The following CCDC122 variants were observed in gnomAD, a reference collection of about 807,000 sequenced individuals.
The protein encoded by CCDC122 is coiled-coil domain-containing protein 122.
A neutral mutation model predicts 37.0 loss-of-function variants in CCDC122; 38 were observed. The observed-to-expected ratio is 1.03, with a 90% confidence interval of 0.79 to 1.35. The LOEUF (loss-of-function observed/expected upper bound fraction) is 1.35, where lower values mean the gene tolerates loss of function less well. Ranked by LOEUF, CCDC122 falls within the 40% of genes most tolerant of loss-of-function variation. The pLI is 0.00. For missense variants in CCDC122, 305 were observed against 310.0 expected (o/e 0.98, Z 0.12); for synonymous variants, 83 against 95.6 (o/e 0.87, Z 0.77).
chr13:43,843,983 ACT>A (rs1244769856), intron 6 of CCDC122, among the ~76,000 whole-genome samples: 1 of 149,512 alleles, frequency 6.7e-6, no homozygotes, highest in Non-Finnish European at 1.5e-5. Flanking sequence ...CGATTTTATT[ACT>A]CTTTTAAACT....
At chr13:43,831,422 T>C (rs1191555027), downstream of CCDC122, among the ~76,000 whole-genome samples, 1 of 152,220 alleles carries the variant, frequency 6.6e-6, no homozygotes, top group Non-Finnish European at 1.5e-5. Context: ...AGAAGCACCA[T>C]GGATTCTGGG....
At chr13:43,844,161 A>C (rs945283939) in intron 6 of CCDC122, among the ~76,000 whole-genome samples, 7 of 151,848 alleles carry the variant, frequency 4.6e-5, no homozygotes, top group Non-Finnish European at 8.8e-5. Flanking sequence ...TTTCTATTAT[A>C]GGCATTAAAA....
At chr13:43,829,154 C>T (rs1953065491) in intron 3 of CCDC122, among the ~76,000 whole-genome samples, 1 of 152,056 alleles carries the variant, frequency 6.6e-6, no homozygotes, top group South Asian at 2.1e-4. Context: ...AATGCTGTGG[C>T]TGATATTTTG....
chr13:43,868,102 T>C (rs7322781), intron 4 of CCDC122, among the ~76,000 whole-genome samples: 76,999 of 151,946 alleles, frequency 0.51, 19,965 homozygotes, highest in African/African-American at 0.6. Flanking sequence ...AACTAGGCAG[T>C]TCAGCTCCTG....
Position 43,865,653 on chromosome 13 carries a change from C to T in CCDC122, c.156+3041G>A, listed in dbSNP as rs547073848. 5.3e-5 allele frequency among the ~76,000 whole-genome samples: 8 copies of T among 152,198 alleles called. No individual in the cohort carries two copies. In the East Asian group the frequency reaches 1.4e-3, roughly 26 times the overall value. On this transcript the variant is annotated intron_variant, in intron 4 of 6. Coordinates refer to ENST00000444614, the MANE Select transcript of CCDC122 (RefSeq NM_144974.5). ...AGCTGTTTTGTATTTTTAGTAGAGA[C>T]AGGGTTTCACCATGTTGGCCAGGCT...
downstream of CCDC122, among the ~76,000 whole-genome samples, chr13:43,822,133 T>C (rs9567273): frequency 0.026 from 3,926 of 152,258 alleles, 122 homozygotes; most frequent in East Asian, 0.14. Flanking sequence ...CCCTCCTTCT[T>C]GGGAAGGCTT....
At chr13:43,831,210 G>A (rs912157761) in intron 3 of CCDC122, among the ~76,000 whole-genome samples, 3 of 151,936 alleles carry the variant, frequency 2.0e-5, no homozygotes, top group Non-Finnish European at 4.4e-5. Context: ...ACTTGAGAGT[G>A]GCTAGACAGT....
chr13:43,869,269 C>G (rs1246523493), intron 3 of CCDC122, 62 bp downstream of exon 3: 21 of 1,227,208 alleles, frequency 1.7e-5, no homozygotes, highest in Non-Finnish European at 2.5e-5. Flanking sequence ...ATTATCCTGC[C>G]AGACTACTTT....
downstream of CCDC122, among the ~76,000 whole-genome samples, chr13:43,819,241 T>C (rs189646552): frequency 4.6e-5 from 7 of 152,144 alleles, no homozygotes; most frequent in Admixed American, 3.3e-4. Flanking sequence ...GGTGTGATTA[T>C]AAAAATGGTA....
chr13:43,838,936 G>A (rs928474228), intron 6 of CCDC122, among the ~76,000 whole-genome samples: 1 of 152,112 alleles, frequency 6.6e-6, no homozygotes, highest in African/African-American at 2.4e-5. Flanking sequence ...TGAGGGATAG[G>A]GTAAAGATCA....
chr13:43,878,440 T>C (rs944687993), intron 1 of CCDC122, among the ~76,000 whole-genome samples: 1 of 152,218 alleles, frequency 6.6e-6, no homozygotes, highest in Non-Finnish European at 1.5e-5. Context: ...CATTCTGGGT[T>C]AGTGCTCCCA....
downstream of CCDC122, among the ~76,000 whole-genome samples, chr13:43,832,504 G>A (rs1218884851): frequency 6.6e-6 from 1 of 151,998 alleles, no homozygotes; most frequent in Admixed American, 6.6e-5. Context: ...AGTTTCCAAA[G>A]CAATTTTCAT....
chr13:43,825,769 C>CA (rs58173578), intron 3 of CCDC122, among the ~76,000 whole-genome samples: 4,425 of 73,132 alleles, frequency 0.061, 266 homozygotes, highest in East Asian at 0.14. Context: ...GACTCCGTCT[C>CA]AAAAAAAAAA....
chr13:43,839,482 C>T (rs1388325574), intron 6 of CCDC122, among the ~76,000 whole-genome samples: 2 of 152,148 alleles, frequency 1.3e-5, no homozygotes, highest in Non-Finnish European at 2.9e-5. Context: ...TTTTATTTAT[C>T]CAGTTCATGA....
downstream of CCDC122, among the ~76,000 whole-genome samples, chr13:43,823,250 T>C (rs1303013324): frequency 1.3e-5 from 2 of 151,998 alleles, no homozygotes; most frequent in Non-Finnish European, 2.9e-5. Context: ...AGCTAGGGCT[T>C]GGAAAGAGGG....
downstream of CCDC122, among the ~76,000 whole-genome samples, chr13:43,823,539 C>T (rs1459443143): frequency 6.6e-6 from 1 of 152,196 alleles, no homozygotes; most frequent in Non-Finnish European, 1.5e-5. Flanking sequence ...AATCCTTGTG[C>T]CCTAGATTAC....
chr13:43,820,809 T>G (rs1199736155), downstream of CCDC122, among the ~76,000 whole-genome samples: 1 of 152,236 alleles, frequency 6.6e-6, no homozygotes, highest in Non-Finnish European at 1.5e-5. Context: ...GTGATCCACT[T>G]TATAGTGTTG....
At chr13:43,838,717 G>C (rs1953246593) in intron 6 of CCDC122, among the ~76,000 whole-genome samples, 1 of 152,192 alleles carries the variant, frequency 6.6e-6, no homozygotes, top group African/African-American at 2.4e-5. Flanking sequence ...GCAGGAGCAA[G>C]AGTTAGCTGG....
chr13:43,868,475 TC>T (rs1286194028), intron 4 of CCDC122, among the ~76,000 whole-genome samples: 1 of 152,126 alleles, frequency 6.6e-6, no homozygotes, highest in Non-Finnish European at 1.5e-5. Flanking sequence ...TATATGCTTA[TC>T]CTACAGTTGC....
Sources: gnomAD v4.1 joint callset for allele counts (sites outside exome capture counted in the v4.1 genomes callset) on GRCh38, gnomAD v4.1.1 for gene constraint, MANE v1.5 for transcripts, NCBI Gene and HGNC (gene_info 2026-07-23, HGNC 2026-07-21) for gene names.